MPHOSPH9: variants seen among roughly 807,000 people sequenced by gnomAD.
MPHOSPH9 encodes the protein M-phase phosphoprotein 9.
A neutral mutation model predicts 145.5 loss-of-function variants in MPHOSPH9; 88 were observed. That is an observed-to-expected ratio of 0.60 (90% CI 0.51 to 0.72). The LOEUF is 0.72. Ranked by LOEUF, MPHOSPH9 falls within the 30% of genes least tolerant of loss-of-function variation. The pLI is 0.00. For missense variants in MPHOSPH9, 1,238 were observed against 1,386.6 expected (o/e 0.89, Z 1.70); for synonymous variants, 435 against 486.2 (o/e 0.89, Z 1.39).
rs2047282744 is a variant in MPHOSPH9, at chr12:123,223,110, T to C, written c.276A>G (p.Leu92=). Residue 92 remains leucine (L), a synonymous_variant, in exon 4 of 24, where the codon CTA becomes CTG. Coordinates refer to ENST00000606320, the MANE Select transcript of MPHOSPH9 (RefSeq NM_022782.4). ...GGCATTGTTTTTCCACCAAATTGAA[T>C]AGCTGTAACCACCTGGTCTATTAAA... ...WKNCETRWLQ[L]FNLVEKQCQE... is the part of the protein sequence containing the mutation. 6.1e-6 allele frequency: 9 copies of C among 1,465,546 alleles called. No homozygotes were observed. The allele number at this position is 1,465,546 out of a possible 1,614,324, so 90.8% of individuals were successfully genotyped here.
chr12:123,210,683 G>C (rs1024966042), intron 7 of MPHOSPH9, among the ~76,000 whole-genome samples: 1 of 151,730 alleles, frequency 6.6e-6, no homozygotes, highest in African/African-American at 2.4e-5. Flanking sequence ...TAGAGTGAGT[G>C]ACAGAGTCTC....
intron 16 of MPHOSPH9, among the ~76,000 whole-genome samples, chr12:123,167,436 T>C (rs1222526178): frequency 6.6e-6 from 1 of 152,154 alleles, no homozygotes; most frequent in South Asian, 2.1e-4. Flanking sequence ...TTCCAGATAA[T>C]AAGCTGCTTG....
At chr12:123,216,248 T>G (rs1222319519) in intron 6 of MPHOSPH9, among the ~76,000 whole-genome samples, 1 of 152,182 alleles carries the variant, frequency 6.6e-6, no homozygotes, top group Non-Finnish European at 1.5e-5. Context: ...TACCTTCACT[T>G]CCCTCCTCTT....
intron 5 of MPHOSPH9, 84 bp downstream of exon 5, chr12:123,221,288 A>G (rs1000169561): frequency 1.5e-5 from 16 of 1,080,262 alleles, no homozygotes; most frequent in Non-Finnish European, 2.0e-5. Flanking sequence ...GTTCAAATAC[A>G]TCTCATTCTA....
chr12:123,231,768 A>ACAG (rs2047645960), intron 1 of MPHOSPH9, among the ~76,000 whole-genome samples: 1 of 148,648 alleles, frequency 6.7e-6, no homozygotes, highest in Non-Finnish European at 1.5e-5. Flanking sequence ...CTGGATATAT[A>ACAG]CCATGGCAAA....
At chr12:123,181,122 G>A in intron 14 of MPHOSPH9, 41 bp downstream of exon 14, 2 of 1,547,042 alleles carry the variant, frequency 1.3e-6, no homozygotes, top group African/African-American at 1.3e-5. Flanking sequence ...CAATGTTTCT[G>A]CCTCTGCATG....
rs779794457 is a variant in MPHOSPH9, at chr12:123,161,297, A to G, written c.3220T>C (p.Ser1074Pro). ...TTCTTCTCCCAGGCTGTTCTCACAGATACTTTCTTCACTCCATTTGGCACC... is the reference window on the plus strand; with the variant it reads ...TTCTTCTCCCAGGCTGTTCTCACAGGTACTTTCTTCACTCCATTTGGCACC... ...EPVPNGVKKV[S>P]VRTAWEKNKS... is the part of the protein sequence containing the mutation. Residue 1074 changes from serine (S) to proline (P), a missense_variant, in exon 22 of 24, where the codon TCT (serine) becomes CCT (proline). Coordinates refer to ENST00000606320, the MANE Select transcript of MPHOSPH9 (RefSeq NM_022782.4). The G allele has an allele frequency of 3.7e-6, 6 of 1,614,092 alleles. No homozygotes were observed. Among genetic ancestry groups the G allele is most frequent in the Non-Finnish European group, 5.1e-6 (6 of 1,180,008 alleles).
At chr12:123,218,330 T>TA in intron 6 of MPHOSPH9, 46 bp downstream of exon 6, 1 of 1,609,152 alleles carries the variant, frequency 6.2e-7, no homozygotes. Context: ...TAAACCCACA[T>TA]AATCATCAGT....
At chr12:123,184,265 C>G (rs1423821925) in intron 13 of MPHOSPH9, among the ~76,000 whole-genome samples, 2 of 152,070 alleles carry the variant, frequency 1.3e-5, no homozygotes, top group Admixed American at 1.3e-4. Flanking sequence ...CCCTCCTCCA[C>G]TGCCAGAATC....
rs2044693366 is a variant in MPHOSPH9, at chr12:123,173,670, CTGG to C, written c.2456+3015_2456+3017del. On this transcript the variant is annotated intron_variant, in intron 16 of 23. Transcript: ENST00000606320. Reference sequence around the variant, plus strand: ...CCAAAAGGACAGGGCTCCAGAGCTTCTGGAGAGCTGAACAAGAGCTCATCCACG... The same window carrying C: ...CCAAAAGGACAGGGCTCCAGAGCTTCAGAGCTGAACAAGAGCTCATCCACG... Among the ~76,000 whole-genome samples, 10 of 152,334 alleles carry C rather than the reference CTGG, an allele frequency of 6.6e-5. No homozygotes were observed. In the South Asian group the frequency reaches 2.1e-3, roughly 32 times the overall value.
chr12:123,218,428 C>A lies in MPHOSPH9; in HGVS notation c.944G>T (p.Gly315Val), dbSNP rs747357659. 1.2e-6 allele frequency: 2 copies of A among 1,613,914 alleles called. No individual in the cohort carries two copies. Among genetic ancestry groups the A allele is most frequent in the Non-Finnish European group, 1.7e-6 (2 of 1,179,930 alleles). Residue 315 changes from glycine (G) to valine (V), a missense_variant, in exon 6 of 24, where the codon GGT (glycine) becomes GTT (valine). By Grantham distance (109) the Gly-to-Val change is moderately radical. Around this residue, in one of 3 missense-constraint regions of MPHOSPH9, gnomAD observed 837 missense variants for 897.5 expected, o/e 0.93. Coordinates refer to ENST00000606320, the MANE Select transcript of MPHOSPH9 (RefSeq NM_022782.4). ...QPKRAHVEDG[G>V]SRSKQGNEQS... ...CTCATTTCCTTGTTTAGATCTTGAA[C>A]CTCCATCTTCTACATGTGCTCTCTT...
In MPHOSPH9 at chr12:123,223,573, A is replaced by G. The variant is rs2047306799; in HGVS notation, c.259-446T>C. Among the ~76,000 whole-genome samples, 4 of 151,772 alleles carry G rather than the reference A, an allele frequency of 2.6e-5. No individual in the cohort carries two copies. The South Asian group carries it at 8.3e-4, about 32-fold the overall frequency. On this transcript the variant is annotated intron_variant, in intron 3 of 23. Transcript: ENST00000606320. ...CGTGAGCATGCCAAAATTGTCTCCCACCTCACAGCTGAGCACCTGATGTGC... is the reference window on the plus strand; with the variant it reads ...CGTGAGCATGCCAAAATTGTCTCCCGCCTCACAGCTGAGCACCTGATGTGC...
rs141296739 is a variant in MPHOSPH9 at position 123,238,380 on chromosome 12, A to G, written c.-159+5473T>C. Among the ~76,000 whole-genome samples the G allele has an allele frequency of 5.6e-3, 849 of 152,188 alleles. 7 individuals are homozygous for G. Among genetic ancestry groups the G allele is most frequent in the Non-Finnish European group, 9.7e-3 (660 of 68,018 alleles). ...CTGTTTATTAGGTCATTGTTTTGAGACCTATGGTTTCATCTCCTTCTTAAG... is the reference window on the plus strand; with the variant it reads ...CTGTTTATTAGGTCATTGTTTTGAGGCCTATGGTTTCATCTCCTTCTTAAG... On this transcript the variant is annotated intron_variant, in intron 1 of 2. Transcript: ENST00000545406.
chr12:123,187,529 C>T (rs2045499196), intron 13 of MPHOSPH9, among the ~76,000 whole-genome samples: 1 of 151,834 alleles, frequency 6.6e-6, no homozygotes, highest in African/African-American at 2.4e-5. Flanking sequence ...TGAAACAAAA[C>T]AAAGCCAAGA....
chr12:123,166,907 A>G, intron 16 of MPHOSPH9, 118 bp from the exon 17 acceptor site: 1 of 1,011,636 alleles, frequency 9.9e-7, no homozygotes, highest in Non-Finnish European at 1.4e-6. Context: ...TAATTTAAAA[A>G]TCACATGTAA....
At chr12:123,171,930 C>T (rs867369270) in intron 16 of MPHOSPH9, among the ~76,000 whole-genome samples, 26 of 152,156 alleles carry the variant, frequency 1.7e-4, no homozygotes, top group African/African-American at 5.3e-4. Flanking sequence ...CAATCTCATT[C>T]GTTCCCTCCC....
intron 1 of MPHOSPH9, among the ~76,000 whole-genome samples, chr12:123,242,546 G>A (rs1240897846): frequency 6.6e-6 from 1 of 152,066 alleles, no homozygotes; most frequent in Non-Finnish European, 1.5e-5. Context: ...ATTGGAGTAG[G>A]GCCAAAGCTC....
At chr12:123,199,488 T>C (rs1342708741) in intron 11 of MPHOSPH9, among the ~76,000 whole-genome samples, 1 of 152,086 alleles carries the variant, frequency 6.6e-6, no homozygotes, top group Non-Finnish European at 1.5e-5. Flanking sequence ...ATTAAGACTA[T>C]CATTGGTCCC....
intron 16 of MPHOSPH9, among the ~76,000 whole-genome samples, chr12:123,167,842 G>C (rs1483644465): frequency 6.6e-6 from 1 of 152,010 alleles, no homozygotes; most frequent in African/African-American, 2.4e-5. Flanking sequence ...CCAGACTTTA[G>C]AGCCTGCCTT....
Sources: gnomAD v4.1 joint callset for allele counts (sites outside exome capture counted in the v4.1 genomes callset) on GRCh38, gnomAD v4.1.1 for gene constraint, gnomAD v4.1.1 regional missense constraint, MANE v1.5 for transcripts, NCBI Gene and HGNC (gene_info 2026-07-23, HGNC 2026-07-21) for gene names.